FBXO41: variants seen among roughly 807,000 people sequenced by gnomAD.
FBXO41 encodes the protein F-box protein 41.
A neutral mutation model predicts 81.6 loss-of-function variants in FBXO41; 33 were observed. The ratio of observed to expected loss-of-function variants is 0.40; its 90% confidence interval spans 0.31 to 0.54. The LOEUF (loss-of-function observed/expected upper bound fraction) is 0.54. Ranked by LOEUF, FBXO41 falls within the 20% of genes least tolerant of loss-of-function variation. The probability of loss-of-function intolerance (pLI) is 0.39; values close to 1 mark genes in which losing one functional copy is unlikely to be tolerated. For synonymous variants in FBXO41, 576 were observed against 552.7 expected (o/e 1.04, Z -0.59); for missense variants, 1,107 against 1,236.0 (o/e 0.90, Z 1.56).
At chr2:73,275,218 C>T (rs991372852) in intron 1 of FBXO41, among the ~76,000 whole-genome samples, 3 of 150,542 alleles carry the variant, frequency 2.0e-5, no homozygotes, top group African/African-American at 2.5e-5. Flanking sequence ...TTCACTTTGT[C>T]GCCCAGGTTG....
chr2:73,269,406 G>A lies in FBXO41; in HGVS notation c.225C>T (p.Ala75=). The A allele has an allele frequency of 2.8e-6, 4 of 1,443,098 alleles. No individual in the cohort carries two copies. The highest frequency in any genetic ancestry group is 3.1e-5 in the East Asian group (1 of 32,566). 89.4% of individuals were successfully genotyped at this position (1,443,098 alleles called of 1,614,324 possible). ...PLAPEPAALL[A]VPGARREVFE... is the part of the protein sequence containing the mutation. ...AGACCTCTCGCCGGGCGCCGGGCAC[G>A]GCCAGCAGGGCGGCGGGCTCGGGAG... Residue 75 remains alanine (A), a synonymous_variant, in exon 2 of 13, where the codon GCC becomes GCT. Transcript: ENST00000520530. This position sits in a 1 kb window ranked among gnomAD's most constrained non-coding sequence, Gnocchi z 7.0.
intron 9 of FBXO41, among the ~76,000 whole-genome samples, chr2:73,261,804 C>A (rs1007922119): frequency 6.6e-6 from 1 of 152,188 alleles, no homozygotes; most frequent in African/African-American, 2.4e-5. Flanking sequence ...CAACATTTGC[C>A]CAGGCAACAA....
In FBXO41 at chr2:73,269,133, C is replaced by A; in HGVS notation, c.498G>T (p.Ser166=). The A allele has an allele frequency of 6.6e-7, 1 of 1,519,436 alleles. No individual in the cohort carries two copies. The highest frequency in any genetic ancestry group is 1.2e-5 in the South Asian group (1 of 82,060). The allele number at this position is 1,519,436 out of a possible 1,614,324, so 94.1% of individuals were successfully genotyped here. ...GGCCAGGCGGCGGCGTCGAGCACGCCGAGGACGCCACGGACTTGCGGGCGA... is the reference window on the plus strand; with the variant it reads ...GGCCAGGCGGCGGCGTCGAGCACGCAGAGGACGCCACGGACTTGCGGGCGA... The part of the protein sequence containing the change: ...ELFARKSVAS[S]ACSTPPPGPG... The change falls in exon 2 of 13, where the codon TCG becomes TCT. Residue 166 remains serine (S), a synonymous_variant. Coordinates refer to ENST00000520530, the MANE Select transcript of FBXO41 (RefSeq NM_001371389.2). The surrounding 1 kb of genome is among the most constrained non-coding windows in gnomAD (Gnocchi z 7.0).
chr2:73,277,938 G>A (rs571684014), intron 1 of FBXO41, among the ~76,000 whole-genome samples: 1 of 152,346 alleles, frequency 6.6e-6, no homozygotes, highest in African/African-American at 2.4e-5. Context: ...TACTTTATGT[G>A]GTTGTGGCCG....
In FBXO41 at chr2:73,269,640, GC is replaced by G. The variant is rs1688424967; in HGVS notation, c.-11del. 3.4e-6 allele frequency: 4 copies of G among 1,183,202 alleles called. No individual in the cohort carries two copies. Among genetic ancestry groups the G allele is most frequent in the South Asian group, 3.2e-5 (1 of 31,320 alleles). 73.3% of individuals were successfully genotyped at this position (1,183,202 alleles called of 1,614,324 possible). ...GGTCCAGCGAGGCCATGGCCCCGCC[GC>G]CCCCGCGGCACGCGGGCTCCACCGC... is the stretch of plus-strand genomic sequence containing the variant. On this transcript the variant is annotated 5_prime_UTR_variant, in exon 2 of 13. Coordinates refer to ENST00000520530, the MANE Select transcript of FBXO41 (RefSeq NM_001371389.2). The surrounding 1 kb of genome is among the most constrained non-coding windows in gnomAD (Gnocchi z 7.0).
At position 73,269,486 on chromosome 2, in the gene FBXO41, C is replaced by A. The variant is rs1261590436; in HGVS notation, c.145G>T (p.Asp49Tyr). 3 of 1,294,840 alleles carry A rather than the reference C, an allele frequency of 2.3e-6. No individual in the cohort carries two copies. The highest frequency in any genetic ancestry group is 3.0e-6 in the Non-Finnish European group (3 of 1,015,908). 80.2% of individuals were successfully genotyped at this position (1,294,840 alleles called of 1,614,324 possible). Reference protein sequence around the residue: ...YILSKTNSICDGAAAAAAAAA... With the variant: ...YILSKTNSICYGAAAAAAAAA... ...GCGGCCGCGGCGGCGGCGGCGCCGT[C>A]GCAGATGCTGTTGGTCTTGGAGAGG... The change falls in exon 2 of 13, where the codon GAC becomes TAC. Residue 49 changes from aspartate to tyrosine, a missense_variant. Coordinates refer to ENST00000520530, the MANE Select transcript of FBXO41 (RefSeq NM_001371389.2). The surrounding 1 kb of genome is among the most constrained non-coding windows in gnomAD (Gnocchi z 7.0).
rs1687778972 is a variant in FBXO41, at chr2:73,255,640, T to G, written c.*3342A>C. The G allele has an allele frequency of 6.6e-6, 1 of 152,578 alleles. No homozygotes were observed. Among genetic ancestry groups the G allele is most frequent in the African/African-American group, 2.4e-5 (1 of 41,418 alleles). 9.5% of individuals were successfully genotyped at this position (152,578 alleles called of 1,614,324 possible). The stretch of plus-strand genomic sequence containing the variant: ...GGAACTGGGACTTTGGCACCAATAG[T>G]CACTCTGGGAAGGCCTCCTTCAACT... On this transcript the variant is annotated 3_prime_UTR_variant, in exon 13 of 13. Coordinates refer to ENST00000520530, the MANE Select transcript of FBXO41 (RefSeq NM_001371389.2).
Position 73,259,432 on chromosome 2 carries a change from C to T in FBXO41, c.2450-136G>A, listed in dbSNP as rs138996291. ...ACGACAGAGGAGAGCAGACTCATGC[C>T]ACCTGGGGGCTGGCGACCGGATGCG... On this transcript the variant is annotated intron_variant, in intron 11 of 12. Transcript: ENST00000520530. This position sits in a 1 kb window ranked among gnomAD's most constrained non-coding sequence, Gnocchi z 4.2. 1.6e-4 allele frequency: 114 copies of T among 730,504 alleles called. No individual in the cohort carries two copies. Among genetic ancestry groups the T allele is most frequent in the African/African-American group, 1.5e-3 (85 of 57,238 alleles). The allele number at this position is 730,504 out of a possible 1,614,324, so 45.3% of individuals were successfully genotyped here. A position where few individuals can be genotyped will look rare whatever the true frequency, so the allele number is the denominator to read the frequency against.
intron 9 of FBXO41, among the ~76,000 whole-genome samples, chr2:73,262,616 C>T (rs1574377699): frequency 6.6e-6 from 1 of 152,236 alleles, no homozygotes; most frequent in African/African-American, 2.4e-5. Flanking sequence ...AGCAACAGCC[C>T]TAAGGTCCAT....
Position 73,269,056 on chromosome 2 carries a change from G to A in FBXO41, c.575C>T (p.Ser192Leu). Residue 192 changes from serine to leucine, a missense_variant, in exon 2 of 13, where the codon TCA (serine) becomes TTA (leucine). By Grantham distance (145) the Ser-to-Leu change is moderately radical (BLOSUM62 -2). This residue lies in a region of FBXO41 where 771 missense variants were observed against 789.2 expected (regional missense o/e 0.98). Transcript: ENST00000520530. This position sits in a 1 kb window ranked among gnomAD's most constrained non-coding sequence, Gnocchi z 7.0. ...GPASASPASP[S>L]PADVAYEEGL... ...CTCTTCGTAGGCCACATCAGCGGGT[G>A]AGGGGGACGCGGGCGAAGCGGAGGC... 7.8e-6 allele frequency: 12 copies of A among 1,529,116 alleles called. No individual in the cohort carries two copies. The highest frequency in any genetic ancestry group is 9.6e-6 in the Non-Finnish European group (11 of 1,142,716). The allele number at this position is 1,529,116 out of a possible 1,614,324, so 94.7% of individuals were successfully genotyped here. A position where few individuals can be genotyped will look rare whatever the true frequency, so the allele number is the denominator to read the frequency against.
chr2:73,265,241 C>T (rs1574381257), intron 5 of FBXO41, 41 bp downstream of exon 5: 1 of 1,536,838 alleles, frequency 6.5e-7, no homozygotes, highest in East Asian at 2.3e-5. Context: ...AGATTCACTG[C>T]CTCAGACCTG....
chr2:73,282,845 A>G (rs1426324917), intron 1 of FBXO41, among the ~76,000 whole-genome samples: 1 of 152,176 alleles, frequency 6.6e-6, no homozygotes, highest in East Asian at 1.9e-4. Flanking sequence ...CAAAATTGAG[A>G]AGGTAATAGA....
Position 73,269,158 on chromosome 2 carries a change from A to C in FBXO41, c.473T>G (p.Phe158Cys). 1 of 1,523,944 alleles carries C rather than the reference A, an allele frequency of 6.6e-7. No homozygotes were observed. The highest frequency in any genetic ancestry group is 8.8e-7 in the Non-Finnish European group (1 of 1,141,290). 94.4% of individuals were successfully genotyped at this position (1,523,944 alleles called of 1,614,324 possible). A position where few individuals can be genotyped will look rare whatever the true frequency, so the allele number is the denominator to read the frequency against. ...REIEIPLGELFARKSVASSAC... is the reference protein window; with the variant it reads ...REIEIPLGELCARKSVASSAC... Reference sequence around the variant, plus strand: ...CGAGGACGCCACGGACTTGCGGGCGAACAGCTCCCCCAGCGGGATCTCGAT... The same window carrying C: ...CGAGGACGCCACGGACTTGCGGGCGCACAGCTCCCCCAGCGGGATCTCGAT... Residue 158 changes from phenylalanine to cysteine, a missense_variant, in exon 2 of 13, where the codon TTC (phenylalanine) becomes TGC (cysteine). By Grantham distance (205) the Phe-to-Cys change is radical. Coordinates refer to ENST00000520530, the MANE Select transcript of FBXO41 (RefSeq NM_001371389.2). The surrounding 1 kb of genome is among the most constrained non-coding windows in gnomAD (Gnocchi z 7.0).
chr2:73,266,763 G>T lies in FBXO41; in HGVS notation c.906-81C>A. ...TCTGGAGGAGAGCCTGGCCAGTGCG[G>T]GGAGACACTGGCACAGCTGCCTGCG... is the stretch of plus-strand genomic sequence containing the variant. On this transcript the variant is annotated intron_variant, in intron 2 of 12. Transcript: ENST00000520530. The surrounding 1 kb of genome is among the most constrained non-coding windows in gnomAD (Gnocchi z 5.3). 1 of 1,451,484 alleles carries T rather than the reference G, an allele frequency of 6.9e-7. No individual in the cohort carries two copies. Among genetic ancestry groups the T allele is most frequent in the East Asian group, 2.6e-5 (1 of 39,060 alleles). 89.9% of individuals were successfully genotyped at this position (1,451,484 alleles called of 1,614,324 possible).
chr2:73,267,075 C>T (rs943422378), intron 2 of FBXO41, among the ~76,000 whole-genome samples: 2 of 152,180 alleles, frequency 1.3e-5, no homozygotes, highest in African/African-American at 4.8e-5. Flanking sequence ...TACAGAAACA[C>T]AGACATGTTC....
Position 73,263,748 on chromosome 2 carries a change from T to C in FBXO41, c.2005A>G (p.Asn669Asp). Residue 669 changes from asparagine (N) to aspartate (D), a missense_variant, in exon 8 of 13, where the codon AAC becomes GAC. Asn to Asp is a conservative substitution (Grantham distance 23). This residue lies in a region of FBXO41 where 336 missense variants were observed against 446.7 expected (regional missense o/e 0.75). Coordinates refer to ENST00000520530, the MANE Select transcript of FBXO41 (RefSeq NM_001371389.2). ...LLILRISHCP[N>D]ILTDRSLWLA... Reference sequence around the variant, plus strand: ...CAGAGCGAGCGGTCGGTGAGGATGTTTGGACAGTGGGAGATGCGCAGGATC... The same window carrying C: ...CAGAGCGAGCGGTCGGTGAGGATGTCTGGACAGTGGGAGATGCGCAGGATC... The C allele has an allele frequency of 1.9e-6, 3 of 1,613,958 alleles. No individual in the cohort carries two copies. The highest frequency in any genetic ancestry group is 2.5e-6 in the Non-Finnish European group (3 of 1,179,878).
At chr2:73,262,367 A>T (rs1688049462) in intron 9 of FBXO41, among the ~76,000 whole-genome samples, 2 of 152,130 alleles carry the variant, frequency 1.3e-5, no homozygotes, top group African/African-American at 4.8e-5. Context: ...GACTGGGAGG[A>T]GCTGTCGCGT....
rs745352475 is a variant in FBXO41 at position 73,260,370 on chromosome 2, T to C, written c.2449+19A>G. ...GCAGGTGATAGTCGTACCCTGCCCC[T>C]CATTCCCCCAGTGCTCACTGTTGAA... On this transcript the variant is annotated intron_variant, in intron 11 of 12. Transcript: ENST00000520530. This position sits in a 1 kb window ranked among gnomAD's most constrained non-coding sequence, Gnocchi z 5.0. 1 of 1,609,004 alleles carries C rather than the reference T, an allele frequency of 6.2e-7. No homozygotes were observed. Among genetic ancestry groups the C allele is most frequent in the Admixed American group, 1.7e-5 (1 of 59,720 alleles).
intron 5 of FBXO41, 116 bp downstream of exon 5, chr2:73,265,165 TG>T: frequency 2.0e-6 from 2 of 978,394 alleles, no homozygotes; most frequent in Non-Finnish European, 2.9e-6. Flanking sequence ...GCCCCAGGCT[TG>T]AAGGGCGCTA....
Sources: gnomAD v4.1 joint callset for allele counts (sites outside exome capture counted in the v4.1 genomes callset) on GRCh38, gnomAD v4.1.1 for gene constraint, gnomAD v4.1.1 regional missense constraint, Gnocchi (gnomAD v3.1) non-coding constraint, MANE v1.5 for transcripts, NCBI Gene and HGNC (gene_info 2026-07-23, HGNC 2026-07-21) for gene names.